The following CEP112 variants were observed in gnomAD, a reference collection of about 807,000 sequenced individuals.
The protein encoded by CEP112 is centrosomal protein of 112 kDa.
Under a neutral mutation model 153.0 loss-of-function variants are expected in CEP112, and 127 were observed. That is an observed-to-expected ratio of 0.83 (90% CI 0.72 to 0.96). The LOEUF (loss-of-function observed/expected upper bound fraction) is 0.96, where lower values mean the gene tolerates loss of function less well. Among genes scored for constraint, CEP112 ranks in the 40% least tolerant of loss-of-function variants. CEP112 has a pLI of 0.00. For missense variants in CEP112, 1,089 were observed against 1,101.2 expected (o/e 0.99, Z 0.16); for synonymous variants, 358 against 374.4 (o/e 0.96, Z 0.51).
At chr17:65,805,847 A>G (rs766148885) in intron 21 of CEP112, among the ~76,000 whole-genome samples, 2 of 152,214 alleles carry the variant, frequency 1.3e-5, no homozygotes, top group Non-Finnish European at 2.9e-5. Context: ...AAACTTTAAA[A>G]AAATCTTCAT....
At chr17:66,056,502 A>G (rs983671386) in intron 11 of CEP112, among the ~76,000 whole-genome samples, 1 of 152,260 alleles carries the variant, frequency 6.6e-6, no homozygotes, top group Non-Finnish European at 1.5e-5. Flanking sequence ...TCAACTGATG[A>G]ATGGATAGGC....
chr17:65,817,037 A>G (rs1032583776), intron 21 of CEP112, among the ~76,000 whole-genome samples: 1 of 152,030 alleles, frequency 6.6e-6, no homozygotes, highest in Middle Eastern at 3.2e-3. Context: ...TTGCCAAATA[A>G]GTATCTGTGA....
intron 25 of CEP112, among the ~76,000 whole-genome samples, chr17:65,639,278 T>C (rs1375753374): frequency 6.6e-6 from 1 of 152,198 alleles, no homozygotes; most frequent in African/African-American, 2.4e-5. Context: ...ATATCATTTA[T>C]TTTATTCATA....
At chr17:65,965,381 C>T (rs960520867) in intron 17 of CEP112, among the ~76,000 whole-genome samples, 10 of 152,092 alleles carry the variant, frequency 6.6e-5, no homozygotes, top group East Asian at 5.8e-4. Flanking sequence ...TTTCCAGTCC[C>T]GCCATACTGT....
intron 10 of CEP112, among the ~76,000 whole-genome samples, chr17:66,064,902 T>C (rs1168296419): frequency 1.3e-5 from 2 of 152,184 alleles, no homozygotes; most frequent in Non-Finnish European, 2.9e-5. Context: ...TTTACCAACA[T>C]TTAAGGGTGG....
intron 1 of CEP112, among the ~76,000 whole-genome samples, chr17:66,184,777 A>G (rs2072860237): frequency 6.6e-6 from 1 of 152,128 alleles, no homozygotes; most frequent in African/African-American, 2.4e-5. Context: ...AAATCTATAT[A>G]CACAAAAAAA....
chr17:65,970,230 ATATGCATG>A (rs1196872338), intron 17 of CEP112, among the ~76,000 whole-genome samples: 6 of 43,070 alleles, frequency 1.4e-4, no homozygotes, highest in Non-Finnish European at 2.4e-4. Context: ...TACCATGCAT[ATATGCATG>A]TATATTACAT....
rs57598697 is a variant in CEP112 at position 65,950,699 on chromosome 17, C to CTATTATTATTAGTAGTAGTAGTAG, written c.1872+10763_1872+10764insCTACTACTACTACTAATAATAATA. On this transcript the variant is annotated intron_variant, in intron 18 of 26. Transcript: ENST00000535342. ...CTTTCTTTCCATTCTGGATACATTA[C>CTATTATTATTAGTAGTAGTAGTAG]TAGTAGTAGTAGTAGTAGTAGTAGT... Among the ~76,000 whole-genome samples the CTATTATTATTAGTAGTAGTAGTAG allele has an allele frequency of 2.1e-3, 308 of 147,182 alleles. 1 individual carries two copies. Among genetic ancestry groups the CTATTATTATTAGTAGTAGTAGTAG allele is most frequent in the East Asian group, 0.017 (83 of 4,892 alleles).
Position 65,867,388 on chromosome 17 carries a change from C to T in CEP112, c.2164-15354G>A, listed in dbSNP as rs552245113. On this transcript the variant is annotated intron_variant, in intron 20 of 26. Coordinates refer to ENST00000535342, the MANE Select transcript of CEP112 (RefSeq NM_001199165.4). ...GACCAGAGCAAAACCCAGGCAAAGA[C>T]GCCACTGGCCACAGAGGTTTCTGGC... Among the ~76,000 whole-genome samples, 12 of 152,334 alleles carry T rather than the reference C, an allele frequency of 7.9e-5. No individual in the cohort carries two copies. The South Asian group carries it at 2.1e-3, about 26-fold the overall frequency.
In CEP112 at chr17:65,902,300, T is replaced by C. The variant is rs1450448499; in HGVS notation, c.2015A>G (p.Lys672Arg). The stretch of plus-strand genomic sequence containing the variant: ...GTTATGCTGCTGTAATAGGTGCGTC[T>C]TCTCCTGTTCATGCTCCAGCTTCAG... ...VELKLEHEQEKTHLLQQHNAE... is the reference protein window; with the variant it reads ...VELKLEHEQERTHLLQQHNAE... The change falls in exon 20 of 27, where the codon AAG (lysine) becomes AGG (arginine). Residue 672 changes from lysine to arginine, a missense_variant. Coordinates refer to ENST00000535342, the MANE Select transcript of CEP112 (RefSeq NM_001199165.4). 2 of 1,613,614 alleles carry C rather than the reference T, an allele frequency of 1.2e-6. No homozygotes were observed. Among genetic ancestry groups the C allele is most frequent in the Non-Finnish European group, 1.7e-6 (2 of 1,179,898 alleles).
intron 12 of CEP112, among the ~76,000 whole-genome samples, chr17:66,044,254 T>C (rs886397268): frequency 6.6e-6 from 1 of 151,788 alleles, no homozygotes; most frequent in Non-Finnish European, 1.5e-5. Context: ...GCAATAAACA[T>C]CAAAGCAATA....
intron 23 of CEP112, 21 bp downstream of exon 23, chr17:65,743,047 T>C: frequency 6.3e-7 from 1 of 1,587,124 alleles, no homozygotes; most frequent in Non-Finnish European, 8.6e-7. Context: ...GTACCACTGG[T>C]TACTGAAGTC....
intron 1 of CEP112, among the ~76,000 whole-genome samples, chr17:66,184,250 C>T (rs117291580): frequency 0.034 from 5,183 of 152,072 alleles, 130 homozygotes; most frequent in Middle Eastern, 0.061. Context: ...CAGAGCAAGA[C>T]CCTATCTCAA....
rs561597180 is a variant in CEP112, at chr17:65,867,175, C to T, written c.2164-15141G>A. ...GCAGCTGCTTATGGTATGCCCAGTC[C>T]AGCTGCAACTTTGCAGGGAGCTAGC... On this transcript the variant is annotated intron_variant, in intron 20 of 26. Transcript: ENST00000535342. Among the ~76,000 whole-genome samples, 19 of 152,336 alleles carry T rather than the reference C, an allele frequency of 1.2e-4. No individual in the cohort carries two copies. In the South Asian group the frequency reaches 3.7e-3, roughly 30 times the overall value.
At chr17:65,934,784 CT>C (rs2061247830) in intron 18 of CEP112, among the ~76,000 whole-genome samples, 1 of 152,162 alleles carries the variant, frequency 6.6e-6, no homozygotes, top group East Asian at 1.9e-4. Context: ...TCTCACACTG[CT>C]ATCAAGACAT....
At chr17:66,040,414 T>C (rs1025005834) in intron 12 of CEP112, among the ~76,000 whole-genome samples, 1 of 152,110 alleles carries the variant, frequency 6.6e-6, no homozygotes, top group Non-Finnish European at 1.5e-5. Flanking sequence ...TTTTTTTCTA[T>C]ATTTAAAATG....
At chr17:66,028,525 T>C in intron 14 of CEP112, 120 bp from the exon 15 acceptor site, 2 of 450,784 alleles carry the variant, frequency 4.4e-6, no homozygotes, top group Non-Finnish European at 7.8e-6. Flanking sequence ...TAAAATTATC[T>C]AGAAATTTGA....
chr17:66,028,180 A>T, intron 15 of CEP112, 133 bp downstream of exon 15: 1 of 576,900 alleles, frequency 1.7e-6, no homozygotes, highest in South Asian at 2.4e-5. Context: ...AAAATTATAC[A>T]ATGCGATAAA....
chr17:65,666,914 A>C (rs1435049811), intron 24 of CEP112, among the ~76,000 whole-genome samples: 1 of 152,240 alleles, frequency 6.6e-6, no homozygotes, highest in Non-Finnish European at 1.5e-5. Context: ...TGAATGAAAC[A>C]CAATGAGTAA....
Sources: allele counts gnomAD v4.1 joint callset (sites outside exome capture counted in the v4.1 genomes callset), GRCh38; gene constraint gnomAD v4.1.1; transcripts MANE v1.5; gene names NCBI Gene and HGNC (gene_info 2026-07-23, HGNC 2026-07-21).